Variants in GPM6A observed in about 807,000 individuals in gnomAD.
GPM6A encodes the protein glycoprotein M6A, also known as neuronal membrane glycoprotein M6-a.
GPM6A carries 7 observed loss-of-function variants against 32.1 expected under a neutral mutation model. The observed-to-expected ratio is 0.22, with a 90% CI of 0.12 to 0.41. The LOEUF (loss-of-function observed/expected upper bound fraction) is 0.41, where lower values mean the gene tolerates loss of function less well. Ranked by LOEUF, GPM6A falls within the 10% of genes least tolerant of loss-of-function variation. The pLI is 1.00. For missense variants in GPM6A, 235 were observed against 347.2 expected, an observed-to-expected ratio of 0.68 and a Z score of 2.57; for synonymous variants, 130 against 123.4, an observed-to-expected ratio of 1.05 and a Z score of -0.35.
intron 1 of GPM6A, among the ~76,000 whole-genome samples, chr4:175,930,566 G>GT (rs1579637498): frequency 6.6e-6 from 1 of 151,836 alleles, no homozygotes; most frequent in African/African-American, 2.4e-5. Context: ...CTGAATTTCA[G>GT]TTTTATAAGA....
intron 6 of GPM6A, among the ~76,000 whole-genome samples, chr4:175,637,888 T>C (rs1447149189): frequency 1.6e-5 from 2 of 123,818 alleles, no homozygotes; most frequent in Non-Finnish European, 3.3e-5. Context: ...TTATATATTA[T>C]ATATATATAT....
intron 1 of GPM6A, among the ~76,000 whole-genome samples, chr4:175,994,281 G>A (rs1015810455): frequency 2.6e-5 from 4 of 152,210 alleles, no homozygotes; most frequent in South Asian, 2.1e-4. Context: ...AAGTTTAGTA[G>A]TGAAATGAAA....
intron 2 of GPM6A, among the ~76,000 whole-genome samples, chr4:175,695,296 G>C (rs974508237): frequency 1.3e-5 from 2 of 152,158 alleles, no homozygotes; most frequent in African/African-American, 4.8e-5. Flanking sequence ...CTAGACCCCA[G>C]AATGGTAGAT....
intron 1 of GPM6A, among the ~76,000 whole-genome samples, chr4:175,944,295 C>T (rs1026768047): frequency 9.2e-5 from 14 of 152,242 alleles, no homozygotes; most frequent in Non-Finnish European, 1.3e-4. Flanking sequence ...TTTGTGCTGG[C>T]ATATACTGTA....
intron 4 of GPM6A, chr4:175,641,878 C>G (rs937114700): frequency 6.6e-6 from 1 of 151,990 alleles, no homozygotes; most frequent in Non-Finnish European, 1.5e-5. Flanking sequence ...TTAGTAGAGA[C>G]GAGTTTCACC....
intron 4 of GPM6A, among the ~76,000 whole-genome samples, chr4:175,642,800 A>G (rs1024184894): frequency 4.6e-5 from 7 of 151,994 alleles, no homozygotes; most frequent in African/African-American, 1.7e-4. Context: ...TCCTAAATCT[A>G]TGTGGCCATC....
chr4:175,926,349 A>C (rs2111535193), intron 1 of GPM6A, among the ~76,000 whole-genome samples: 1 of 152,334 alleles, frequency 6.6e-6, no homozygotes, highest in East Asian at 1.9e-4. Context: ...GCATAAGATC[A>C]AGGAAATTGG....
intron 1 of GPM6A, among the ~76,000 whole-genome samples, chr4:175,984,722 A>T (rs1055663773): frequency 4.6e-5 from 7 of 152,058 alleles, no homozygotes; most frequent in African/African-American, 1.7e-4. Flanking sequence ...ATTGTTTTTT[A>T]CAATTAGATC....
chr4:175,693,967 T>A (rs1318741733), intron 2 of GPM6A, among the ~76,000 whole-genome samples: 1 of 152,068 alleles, frequency 6.6e-6, no homozygotes, highest in Non-Finnish European at 1.5e-5. Flanking sequence ...TTGTTGAAAG[T>A]GTGCAGCACC....
intron 4 of GPM6A, chr4:175,641,701 T>A (rs1198420353): frequency 2.0e-5 from 3 of 152,284 alleles, no homozygotes; most frequent in African/African-American, 7.2e-5. Flanking sequence ...TTTGTTTTGT[T>A]TTGTTTGAGA....
chr4:175,933,084 A>T (rs1739104428), intron 1 of GPM6A, among the ~76,000 whole-genome samples: 1 of 152,044 alleles, frequency 6.6e-6, no homozygotes, highest in African/African-American at 2.4e-5. Context: ...AATAAATAAG[A>T]GTGAAAGATT....
At chr4:175,804,551 T>C (rs184428667) in intron 1 of GPM6A, among the ~76,000 whole-genome samples, 1 of 152,366 alleles carries the variant, frequency 6.6e-6, no homozygotes, top group African/African-American at 2.4e-5. Flanking sequence ...CTGTAATCAA[T>C]ATTTATTAAC....
At chr4:175,798,035 G>A (rs1223056575) in intron 1 of GPM6A, among the ~76,000 whole-genome samples, 2 of 152,164 alleles carry the variant, frequency 1.3e-5, no homozygotes, top group Admixed American at 6.5e-5. Flanking sequence ...AGAAACTTGA[G>A]TTGGGGAAAT....
At chr4:175,890,051 T>C (rs1737591725) in intron 1 of GPM6A, among the ~76,000 whole-genome samples, 1 of 152,148 alleles carries the variant, frequency 6.6e-6, no homozygotes, top group Admixed American at 6.5e-5. Flanking sequence ...CCAAAAGTTA[T>C]ATAACAAAAT....
At chr4:175,889,715 A>C (rs986444211) in intron 1 of GPM6A, among the ~76,000 whole-genome samples, 3 of 151,958 alleles carry the variant, frequency 2.0e-5, no homozygotes, top group African/African-American at 7.3e-5. Flanking sequence ...CGGGAGGCTG[A>C]GGCAGGAGAA....
chr4:175,952,403 G>C (rs1360808934), intron 1 of GPM6A, among the ~76,000 whole-genome samples: 2 of 152,174 alleles, frequency 1.3e-5, no homozygotes, highest in Admixed American at 6.5e-5. Context: ...GCTTAAGGTA[G>C]TGATCTCAGA....
chr4:175,760,469 A>G (rs1226016691), intron 1 of GPM6A, among the ~76,000 whole-genome samples: 1 of 152,184 alleles, frequency 6.6e-6, no homozygotes, highest in East Asian at 1.9e-4. Context: ...TTTATCTCTT[A>G]TAGCTCTTCA....
At position 175,761,256 on chromosome 4, in the gene GPM6A, G is replaced by T. The variant is rs1732727481; in HGVS notation, c.37+50935C>A. Among the ~76,000 whole-genome samples, 2 of 152,076 alleles carry T rather than the reference G, an allele frequency of 1.3e-5. 1 individual carries two copies. Among genetic ancestry groups the T allele is most frequent in the South Asian group, 4.1e-4 (2 of 4,834 alleles). ...TCTCCTACCTCACACCACCATGTCT[G>T]CCTGTTTTTGTATTTTTAGTAGAGA... On this transcript the variant is annotated intron_variant, in intron 1 of 6. Coordinates refer to ENST00000393658, the MANE Select transcript of GPM6A (RefSeq NM_201591.3).
intron 1 of GPM6A, among the ~76,000 whole-genome samples, chr4:175,714,940 A>G (rs1364147824): frequency 1.3e-5 from 2 of 151,588 alleles, no homozygotes; most frequent in Non-Finnish European, 2.9e-5. Context: ...CCCCTAGGGT[A>G]AGGGAACAGT....
Sources: gnomAD v4.1 joint callset for allele counts (sites outside exome capture counted in the v4.1 genomes callset) on GRCh38, gnomAD v4.1.1 for gene constraint, MANE v1.5 for transcripts, NCBI Gene and HGNC (gene_info 2026-07-23, HGNC 2026-07-21) for gene names.